Variants in PIK3C2B observed in about 807,000 individuals in gnomAD.
The protein encoded by PIK3C2B is phosphatidylinositol 4-phosphate 3-kinase C2 domain-containing subunit beta.
Under a neutral mutation model 184.3 loss-of-function variants are expected in PIK3C2B, and 83 were observed. The observed-to-expected ratio is 0.45, with a 90% confidence interval of 0.38 to 0.54. PIK3C2B has a LOEUF of 0.54. Ranked by LOEUF, PIK3C2B falls within the 20% of genes least tolerant of loss-of-function variation. The probability of loss-of-function intolerance (pLI) is 0.00; values close to 1 mark genes in which losing one functional copy is unlikely to be tolerated. For missense variants in PIK3C2B, 1,736 were observed against 2,113.5 expected, an observed-to-expected ratio of 0.82 and a Z score of 3.50; for synonymous variants, 779 against 837.6, an observed-to-expected ratio of 0.93 and a Z score of 1.21.
chr1:204,440,254 A>AC lies in PIK3C2B; in HGVS notation c.3316dup (p.Val1106GlyfsTer29). 1 of 1,611,498 alleles carries AC rather than the reference A, an allele frequency of 6.2e-7. No individual in the cohort carries two copies. The highest frequency in any genetic ancestry group is 8.5e-7 in the Non-Finnish European group (1 of 1,178,670). The stretch of plus-strand genomic sequence containing the variant: ...CATGCGCATGTCCAGCCCCTCCTGG[A>AC]CCCAGATCTTGCTCATGATGCGAAT... On this transcript the variant is annotated frameshift_variant, in exon 22 of 33. Transcript: ENST00000684373. LOFTEE classifies it high-confidence loss of function.
chr1:204,486,317 C>T (rs12120892), intron 1 of PIK3C2B, among the ~76,000 whole-genome samples: 3,656 of 150,426 alleles, frequency 0.024, 75 homozygotes, highest in Non-Finnish European at 0.037. Context: ...ATCACTTGAA[C>T]CCGGGAGGTG....
intron 10 of PIK3C2B, among the ~76,000 whole-genome samples, chr1:204,456,692 C>A (rs541519014): frequency 9.0e-4 from 137 of 152,086 alleles, no homozygotes; most frequent in Non-Finnish European, 1.3e-4. Context: ...CACAATCTAC[C>A]CAAGTGGGAG....
chr1:204,478,737 T>C (rs1053929956), intron 1 of PIK3C2B, among the ~76,000 whole-genome samples: 1 of 152,190 alleles, frequency 6.6e-6, no homozygotes, highest in African/African-American at 2.4e-5. Flanking sequence ...TACTCTCCAT[T>C]ATTCTACTCT....
At chr1:204,438,873 G>A (rs1036073331) in intron 23 of PIK3C2B, 62 bp downstream of exon 23, 3 of 1,565,518 alleles carry the variant, frequency 1.9e-6, no homozygotes, top group South Asian at 2.3e-5. Context: ...TGTGGTTAAA[G>A]AGCTGTGTGC....
chr1:204,444,589 G>C lies in PIK3C2B; in HGVS notation c.2679-165C>G, dbSNP rs528761043. On this transcript the variant is annotated intron_variant, in intron 16 of 32. Coordinates refer to ENST00000684373, the MANE Select transcript of PIK3C2B (RefSeq NM_001377334.1). ...GAATCCTTAGCAACTTCCCTGGATA[G>C]CAACCCTTGGGAATGAGCCTTCCTC... Among the ~76,000 whole-genome samples the C allele has an allele frequency of 2.0e-5, 3 of 152,216 alleles. No individual in the cohort carries two copies. In the East Asian group the frequency reaches 5.8e-4, roughly 29 times the overall value.
At chr1:204,457,945 CCA>C (rs1655009667) in intron 8 of PIK3C2B, 71 bp from the exon 9 acceptor site, 3 of 1,421,298 alleles carry the variant, frequency 2.1e-6, no homozygotes, top group Non-Finnish European at 2.9e-6. Flanking sequence ...CCTCCCCACC[CCA>C]GTCTTTAAAG....
Position 204,449,180 on chromosome 1 carries a change from C to G in PIK3C2B, c.2346+5G>C. On this transcript the variant is annotated splice_donor_5th_base_variant and intron_variant, in intron 14 of 32. Coordinates refer to ENST00000684373, the MANE Select transcript of PIK3C2B (RefSeq NM_001377334.1). ...GTGACTGGGAGGGAAGGGCTAAAGC[C>G]TCACCTGCAGGATGACACTGTCTGG... 1 of 1,593,344 alleles carries G rather than the reference C, an allele frequency of 6.3e-7. No homozygotes were observed. Among genetic ancestry groups the G allele is most frequent in the Non-Finnish European group, 8.6e-7 (1 of 1,163,910 alleles).
At chr1:204,465,835 T>G (rs957850346) in intron 2 of PIK3C2B, among the ~76,000 whole-genome samples, 1 of 152,158 alleles carries the variant, frequency 6.6e-6, no homozygotes, top group Non-Finnish European at 1.5e-5. Context: ...AACCCTTAGA[T>G]AGAGGAGATG....
intron 31 of PIK3C2B, among the ~76,000 whole-genome samples, chr1:204,426,764 A>G (rs1375495377): frequency 6.6e-6 from 1 of 152,176 alleles, no homozygotes; most frequent in African/African-American, 2.4e-5. Context: ...ATGAATGTTT[A>G]TGTTCCTCCT....
chr1:204,487,975 G>C (rs1657741896), intron 1 of PIK3C2B, among the ~76,000 whole-genome samples: 1 of 152,170 alleles, frequency 6.6e-6, no homozygotes, highest in Non-Finnish European at 1.5e-5. Context: ...ACCATGAGCT[G>C]TTGAGTCACC....
At chr1:204,475,276 A>G (rs941942965) in intron 1 of PIK3C2B, among the ~76,000 whole-genome samples, 3 of 152,016 alleles carry the variant, frequency 2.0e-5, no homozygotes, top group Admixed American at 6.6e-5. Flanking sequence ...CGTATGTGAT[A>G]CCTCCGTGAC....
Position 204,433,467 on chromosome 1 carries a change from C to A in PIK3C2B, c.3844-42G>T. 8.0e-7 allele frequency: 1 copy of A among 1,256,420 alleles called. No individual in the cohort carries two copies. The highest frequency in any genetic ancestry group is 1.2e-6 in the Non-Finnish European group (1 of 856,576). The allele number at this position is 1,256,420 out of a possible 1,614,324, so 77.8% of individuals were successfully genotyped here. A position where few individuals can be genotyped will look rare whatever the true frequency, so the allele number is the denominator to read the frequency against. ...GAAGAAGAGAGGGTGCCTGTAACAA[C>A]AGAGAATTCTTGCTGCTTCTCTACC... On this transcript the variant is annotated intron_variant, in intron 25 of 32. Transcript: ENST00000684373. The surrounding 1 kb of genome is among the most constrained non-coding windows in gnomAD (Gnocchi z 5.0).
Position 204,428,317 on chromosome 1 carries a change from T to TA in PIK3C2B, c.4399-98dup, listed in dbSNP as rs982890999. 3 of 724,250 alleles carry TA rather than the reference T, an allele frequency of 4.1e-6. No individual in the cohort carries two copies. In the African/African-American group the frequency reaches 5.3e-5, roughly 13 times the overall value. 44.9% of individuals were successfully genotyped at this position (724,250 alleles called of 1,614,324 possible). A position where few individuals can be genotyped will look rare whatever the true frequency, so the allele number is the denominator to read the frequency against. ...TCCAGATGTAAAAAGACTTAGGAAA[T>TA]ATAACAACCAACAACATGCAGTTCT... On this transcript the variant is annotated intron_variant, in intron 29 of 32. Transcript: ENST00000684373.
intron 11 of PIK3C2B, among the ~76,000 whole-genome samples, chr1:204,455,026 T>C (rs1465284715): frequency 6.6e-6 from 1 of 152,254 alleles, no homozygotes; most frequent in Non-Finnish European, 1.5e-5. Flanking sequence ...TGAGCCTTGT[T>C]GTTTTTCTTC....
intron 13 of PIK3C2B, 65 bp downstream of exon 13, chr1:204,449,785 G>T: frequency 7.0e-7 from 1 of 1,435,744 alleles, no homozygotes; most frequent in Non-Finnish European, 9.4e-7. Context: ...CAGCAGCCAG[G>T]CCCCTTTCTC....
intron 13 of PIK3C2B, 138 bp downstream of exon 13, chr1:204,449,712 G>A: frequency 1.3e-6 from 1 of 757,090 alleles, no homozygotes; most frequent in Non-Finnish European, 2.1e-6. Context: ...TGTGCTTGGG[G>A]ATCCTCTGGA....
intron 23 of PIK3C2B, among the ~76,000 whole-genome samples, chr1:204,438,716 G>A (rs1675482906): frequency 6.6e-6 from 1 of 152,164 alleles, no homozygotes; most frequent in African/African-American, 2.4e-5. Context: ...AAGTTTCTCA[G>A]TCCAGCATCA....
In PIK3C2B at chr1:204,464,616, G is replaced by A. The variant is rs1024040417; in HGVS notation, c.1035-12C>T. Reference sequence around the variant, plus strand: ...AGCCAGATCGAAGGCTGTACAGGAAGAAAAAAAACCCTCACTGTGCCTTTA... The same window carrying A: ...AGCCAGATCGAAGGCTGTACAGGAAAAAAAAAAACCCTCACTGTGCCTTTA... On this transcript the variant is annotated splice_polypyrimidine_tract_variant and intron_variant, in intron 3 of 32. Coordinates refer to ENST00000684373, the MANE Select transcript of PIK3C2B (RefSeq NM_001377334.1). 1.9e-6 allele frequency: 3 copies of A among 1,604,992 alleles called. No homozygotes were observed. Among genetic ancestry groups the A allele is most frequent in the Admixed American group, 1.7e-5 (1 of 57,268 alleles).
intron 30 of PIK3C2B, 145 bp downstream of exon 30, chr1:204,427,994 G>C: frequency 1.6e-6 from 1 of 642,032 alleles, no homozygotes; most frequent in East Asian, 2.7e-5. Flanking sequence ...CACGGCCTGA[G>C]TGGGAAACTA....
Sources: allele counts gnomAD v4.1 joint callset (sites outside exome capture counted in the v4.1 genomes callset), GRCh38; gene constraint gnomAD v4.1.1; non-coding constraint Gnocchi (gnomAD v3.1); transcripts MANE v1.5; gene names NCBI Gene and HGNC (gene_info 2026-07-23, HGNC 2026-07-21).